The following FER variants were observed in gnomAD, a reference collection of about 807,000 sequenced individuals.
FER encodes FER tyrosine kinase.
In FER, 63 loss-of-function variants were observed where a neutral mutation model predicts 111.0. The observed-to-expected ratio is 0.57, with a 90% CI of 0.46 to 0.70. The LOEUF (loss-of-function observed/expected upper bound fraction) is 0.70, where lower values mean the gene tolerates loss of function less well. Among genes scored for constraint, FER ranks in the 30% least tolerant of loss-of-function variants. FER has a pLI of 0.00. For synonymous variants in FER, 327 were observed against 313.9 expected, an observed-to-expected ratio of 1.04 and a Z score of -0.44; for missense variants, 914 against 954.0, an observed-to-expected ratio of 0.96 and a Z score of 0.55.
chr5:109,139,480 A>G (rs1263769377), intron 17 of FER, among the ~76,000 whole-genome samples: 2 of 149,846 alleles, frequency 1.3e-5, no homozygotes, highest in Non-Finnish European at 3.0e-5. Flanking sequence ...CTCCTTCTTT[A>G]TAACCTAGGG....
chr5:109,099,580 TATCTC>T (rs1747958144), intron 16 of FER, among the ~76,000 whole-genome samples: 1 of 151,566 alleles, frequency 6.6e-6, no homozygotes. Flanking sequence ...AAATGTAAAA[TATCTC>T]AACTAAAATT....
chr5:109,013,742 T>G (rs2149809994), intron 13 of FER, among the ~76,000 whole-genome samples: 1 of 151,718 alleles, frequency 6.6e-6, no homozygotes, highest in Non-Finnish European at 1.5e-5. Context: ...CTCCAGCACC[T>G]GTTGTTTCCT....
chr5:108,838,861 G>A (rs1350241231), intron 5 of FER, among the ~76,000 whole-genome samples: 2 of 152,010 alleles, frequency 1.3e-5, no homozygotes, highest in Non-Finnish European at 2.9e-5. Context: ...TATGTTGAGG[G>A]AGCACATGTA....
At position 109,191,108 on chromosome 5, in the gene FER, C is replaced by A. The variant is rs1562016395; in HGVS notation, c.*3533C>A. On this transcript the variant is annotated 3_prime_UTR_variant, in exon 20 of 20. Coordinates refer to ENST00000281092, the MANE Select transcript of FER (RefSeq NM_005246.4). The stretch of plus-strand genomic sequence containing the variant: ...TGTCAAGAAGAAAGTGTTTTAGTTA[C>A]AACATACGCCACCCACTGAGGACCT... The A allele has an allele frequency of 6.6e-6, 1 of 152,102 alleles. No homozygotes were observed. The highest frequency in any genetic ancestry group is 1.9e-4 in the East Asian group (1 of 5,198). The allele number at this position is 152,102 out of a possible 1,614,324, so 9.4% of individuals were successfully genotyped here. A position where few individuals can be genotyped will look rare whatever the true frequency, so the allele number is the denominator to read the frequency against.
rs897791987 is a variant in FER, at chr5:108,770,133, A to G, written c.-60+1895A>G. On this transcript the variant is annotated intron_variant, in intron 2 of 19. Coordinates refer to ENST00000281092, the MANE Select transcript of FER (RefSeq NM_005246.4). Reference sequence around the variant, plus strand: ...CCGGCTAATTTCGTATTTTTAGTAGAGATGAGGTTTCTCCATGTTGGTCAG... The same window carrying G: ...CCGGCTAATTTCGTATTTTTAGTAGGGATGAGGTTTCTCCATGTTGGTCAG... 3.6e-4 allele frequency among the ~76,000 whole-genome samples: 55 copies of G among 152,250 alleles called. 1 individual carries two copies. The highest frequency in any genetic ancestry group is 3.4e-4 in the Non-Finnish European group (23 of 68,026).
At chr5:109,055,547 G>T (rs1034007102) in intron 16 of FER, among the ~76,000 whole-genome samples, 1 of 152,082 alleles carries the variant, frequency 6.6e-6, no homozygotes, top group Non-Finnish European at 1.5e-5. Context: ...AGCACTTTGG[G>T]AGGCTGAGGC....
At chr5:109,108,011 G>A (rs1161492479) in intron 17 of FER, among the ~76,000 whole-genome samples, 4 of 151,960 alleles carry the variant, frequency 2.6e-5, no homozygotes, top group Admixed American at 2.6e-4. Context: ...AGTGTGCAGG[G>A]TCACTGTTAC....
intron 10 of FER, among the ~76,000 whole-genome samples, chr5:108,935,965 A>G (rs925914128): frequency 6.6e-6 from 1 of 152,110 alleles, no homozygotes; most frequent in Admixed American, 6.6e-5. Flanking sequence ...TGGTTTGGGA[A>G]AGAGTCCTTG....
At chr5:108,990,541 A>C (rs1055043149) in intron 13 of FER, among the ~76,000 whole-genome samples, 1 of 151,848 alleles carries the variant, frequency 6.6e-6, no homozygotes, top group Non-Finnish European at 1.5e-5. Context: ...TACTTGCAAA[A>C]AAATTACAGG....
chr5:109,115,342 G>A (rs1750098658), intron 17 of FER, among the ~76,000 whole-genome samples: 1 of 152,034 alleles, frequency 6.6e-6, no homozygotes, highest in Non-Finnish European at 1.5e-5. Flanking sequence ...GGCGATGGTG[G>A]GTGAAGGTGA....
At chr5:108,787,365 G>A (rs1272352325) in intron 2 of FER, among the ~76,000 whole-genome samples, 2 of 152,284 alleles carry the variant, frequency 1.3e-5, no homozygotes, top group South Asian at 2.1e-4. Context: ...GCCTGCAGGC[G>A]CCTCTTGGGA....
At chr5:109,108,827 G>A (rs1269929150) in intron 17 of FER, among the ~76,000 whole-genome samples, 1 of 152,102 alleles carries the variant, frequency 6.6e-6, no homozygotes, top group African/African-American at 2.4e-5. Flanking sequence ...CCTACTTTCT[G>A]GCCTCCAAGG....
At chr5:109,099,260 T>G (rs968893036) in intron 16 of FER, among the ~76,000 whole-genome samples, 4 of 151,618 alleles carry the variant, frequency 2.6e-5, no homozygotes, top group Non-Finnish European at 5.9e-5. Flanking sequence ...GCAAAGTTTA[T>G]GGTTGCATTA....
At position 108,954,842 on chromosome 5, in the gene FER, G is replaced by C; in HGVS notation, c.1443G>C (p.Leu481Phe). Residue 481 changes from leucine (L) to phenylalanine (F), a missense_variant, in exon 12 of 20, where the codon TTG becomes TTC. By Grantham distance (22) the Leu-to-Phe change is conservative (BLOSUM62 0). This residue lies in a region of FER where 774 missense variants were observed against 782.6 expected (regional missense o/e 0.99). Transcript: ENST00000281092. Reference protein sequence around the residue: ...QELLKKQGDFLVRESHGKPGE... With the variant: ...QELLKKQGDFFVRESHGKPGE... The stretch of plus-strand genomic sequence containing the variant: ...TGTTAAAAAAACAAGGAGACTTTTT[G>C]GTGCGAGAGAGTCATGGGAAACCTG... 6.2e-7 allele frequency: 1 copy of C among 1,612,070 alleles called. No individual in the cohort carries two copies. The highest frequency in any genetic ancestry group is 8.5e-7 in the Non-Finnish European group (1 of 1,179,096).
At chr5:108,877,596 A>C (rs1398694543) in intron 8 of FER, among the ~76,000 whole-genome samples, 3 of 152,222 alleles carry the variant, frequency 2.0e-5, no homozygotes, top group African/African-American at 7.2e-5. Context: ...GATGGCAAGA[A>C]ATAGTTTATG....
intron 17 of FER, among the ~76,000 whole-genome samples, chr5:109,103,948 T>A (rs4957797): frequency 0.36 from 55,266 of 152,094 alleles, 10,210 homozygotes; most frequent in Non-Finnish European, 0.4. Flanking sequence ...TTTGATATCT[T>A]CAGAAAGTAA....
chr5:108,999,100 C>G (rs1222271111), intron 13 of FER, among the ~76,000 whole-genome samples: 1 of 152,074 alleles, frequency 6.6e-6, no homozygotes, highest in Non-Finnish European at 1.5e-5. Flanking sequence ...AGAATTGAAA[C>G]ATTATGCATA....
At chr5:108,933,902 G>T (rs1755067540) in intron 10 of FER, among the ~76,000 whole-genome samples, 1 of 152,106 alleles carries the variant, frequency 6.6e-6, no homozygotes, top group South Asian at 2.1e-4. Flanking sequence ...TTGGCTGTTT[G>T]TCTATTATTG....
chr5:108,874,678 A>C (rs981394709), intron 8 of FER, among the ~76,000 whole-genome samples: 4 of 151,920 alleles, frequency 2.6e-5, no homozygotes, highest in African/African-American at 9.7e-5. Flanking sequence ...TGAAGGCATT[A>C]ATATTGTTAA....
Sources: allele counts gnomAD v4.1 joint callset (sites outside exome capture counted in the v4.1 genomes callset), GRCh38; gene constraint gnomAD v4.1.1; regional missense constraint gnomAD v4.1.1; transcripts MANE v1.5; gene names NCBI Gene and HGNC (gene_info 2026-07-23, HGNC 2026-07-21).